Variants in GRIN2A observed in about 807,000 individuals in gnomAD.
GRIN2A encodes the protein glutamate receptor ionotropic, NMDA 2A.
Under a neutral mutation model 113.4 loss-of-function variants are expected in GRIN2A, and 22 were observed. The ratio of observed to expected loss-of-function variants is 0.19; its 90% confidence interval spans 0.14 to 0.28. GRIN2A has a LOEUF of 0.28. Ranked by LOEUF, GRIN2A falls within the 10% of genes least tolerant of loss-of-function variation. GRIN2A has a pLI of 1.00. For missense variants in GRIN2A, 1,502 were observed against 1,887.0 expected, an observed-to-expected ratio of 0.80 and a Z score of 3.78; for synonymous variants, 827 against 738.4, an observed-to-expected ratio of 1.12 and a Z score of -1.94.
chr16:10,039,346 C>T (rs2047098520), intron 2 of GRIN2A, among the ~76,000 whole-genome samples: 1 of 152,190 alleles, frequency 6.6e-6, no homozygotes, highest in African/African-American at 2.4e-5. Context: ...AACTGCACTC[C>T]AAACCTGCAC....
intron 3 of GRIN2A, among the ~76,000 whole-genome samples, chr16:9,906,363 C>A (rs528156947): frequency 6.6e-6 from 1 of 152,320 alleles, no homozygotes; most frequent in South Asian, 2.1e-4. Context: ...TTTTCCACTT[C>A]TTAGCTTTTG....
At chr16:9,802,927 C>A (rs1199888415) in intron 10 of GRIN2A, among the ~76,000 whole-genome samples, 1 of 152,136 alleles carries the variant, frequency 6.6e-6, no homozygotes, top group Non-Finnish European at 1.5e-5. Flanking sequence ...GCTTAGGGAG[C>A]AGGACTCTGG....
At chr16:10,153,901 G>C (rs192163533) in intron 2 of GRIN2A, among the ~76,000 whole-genome samples, 16 of 152,208 alleles carry the variant, frequency 1.1e-4, no homozygotes, top group African/African-American at 3.4e-4. Flanking sequence ...GAGGGGCATC[G>C]GGGTCTTCGC....
chr16:10,086,643 A>G (rs1281293023), intron 2 of GRIN2A, among the ~76,000 whole-genome samples: 1 of 151,798 alleles, frequency 6.6e-6, no homozygotes, highest in African/African-American at 2.4e-5. Flanking sequence ...AGAGAAAAAA[A>G]TATCTGGCTA....
chr16:9,885,620 C>A (rs2043572358), intron 4 of GRIN2A, among the ~76,000 whole-genome samples: 2 of 152,202 alleles, frequency 1.3e-5, no homozygotes, highest in African/African-American at 4.8e-5. Flanking sequence ...ACGCCACTGG[C>A]TGACCTCGGA....
At chr16:9,798,782 ATTT>A (rs1903168268) in intron 10 of GRIN2A, among the ~76,000 whole-genome samples, 1 of 152,214 alleles carries the variant, frequency 6.6e-6, no homozygotes, top group African/African-American at 2.4e-5. Flanking sequence ...ACAGTGCCCT[ATTT>A]AGAAAGGTTT....
intron 2 of GRIN2A, among the ~76,000 whole-genome samples, chr16:10,136,078 G>A (rs2049185078): frequency 6.6e-6 from 1 of 152,092 alleles, no homozygotes; most frequent in Non-Finnish European, 1.5e-5. Flanking sequence ...AAAAGCAGAT[G>A]TGCTTATCCT....
chr16:9,962,760 C>T (rs1198797259), intron 2 of GRIN2A, among the ~76,000 whole-genome samples: 1 of 152,096 alleles, frequency 6.6e-6, no homozygotes, highest in African/African-American at 2.4e-5. Flanking sequence ...ACCCAGCCAT[C>T]CCATTACTGA....
At chr16:9,906,140 G>T (rs115669262) in intron 3 of GRIN2A, among the ~76,000 whole-genome samples, 184 of 152,182 alleles carry the variant, frequency 1.2e-3, no homozygotes, top group African/African-American at 3.9e-3. Flanking sequence ...CTCATATCAA[G>T]CCCACTTGCC....
At chr16:9,911,302 CAT>C (rs2044130896) in intron 3 of GRIN2A, among the ~76,000 whole-genome samples, 1 of 152,064 alleles carries the variant, frequency 6.6e-6, no homozygotes, top group South Asian at 2.1e-4. Context: ...GCTTGGGTAA[CAT>C]AGAGAGATGC....
At chr16:10,044,495 C>T (rs2047225498) in intron 2 of GRIN2A, among the ~76,000 whole-genome samples, 1 of 151,750 alleles carries the variant, frequency 6.6e-6, no homozygotes, top group Admixed American at 6.6e-5. Context: ...TAATGCCACT[C>T]CCTAACTCCC....
At chr16:9,896,688 A>G (rs907258323) in intron 3 of GRIN2A, among the ~76,000 whole-genome samples, 1 of 152,178 alleles carries the variant, frequency 6.6e-6, no homozygotes, top group Non-Finnish European at 1.5e-5. Flanking sequence ...GGGGGGAAAA[A>G]AAAACCTCTA....
chr16:9,981,851 A>C (rs2045898294), intron 2 of GRIN2A, among the ~76,000 whole-genome samples: 1 of 152,236 alleles, frequency 6.6e-6, no homozygotes, highest in Admixed American at 6.5e-5. Flanking sequence ...CAGGGGTGTG[A>C]TCTCTGCTCA....
At chr16:9,970,528 G>A (rs1567207939) in intron 2 of GRIN2A, among the ~76,000 whole-genome samples, 1 of 152,164 alleles carries the variant, frequency 6.6e-6, no homozygotes, top group Non-Finnish European at 1.5e-5. Context: ...GAGGCCTTGA[G>A]GATTGTTTAG....
chr16:9,856,538 T>C (rs1293535420), intron 4 of GRIN2A, among the ~76,000 whole-genome samples: 1 of 145,132 alleles, frequency 6.9e-6, no homozygotes, highest in Non-Finnish European at 1.5e-5. Flanking sequence ...GGCAGGAGAA[T>C]GGCATGAACC....
At chr16:9,878,303 C>A (rs1304181442) in intron 4 of GRIN2A, among the ~76,000 whole-genome samples, 1 of 152,146 alleles carries the variant, frequency 6.6e-6, no homozygotes, top group East Asian at 1.9e-4. Flanking sequence ...TTGGACAAGT[C>A]ATTCAACCCA....
At chr16:9,774,078 C>A (rs761912545) in intron 11 of GRIN2A, among the ~76,000 whole-genome samples, 2 of 151,862 alleles carry the variant, frequency 1.3e-5, no homozygotes, top group Non-Finnish European at 2.9e-5. Flanking sequence ...TGCTTCCATT[C>A]CATTCCACTG....
chr16:9,894,946 AATCC>A (rs1329884673), intron 3 of GRIN2A, among the ~76,000 whole-genome samples: 1 of 152,148 alleles, frequency 6.6e-6, no homozygotes, highest in Non-Finnish European at 1.5e-5. Flanking sequence ...TCAATCCATT[AATCC>A]ATCCATCCAT....
At chr16:9,789,199 C>G (rs555342359) in intron 11 of GRIN2A, among the ~76,000 whole-genome samples, 12 of 152,354 alleles carry the variant, frequency 7.9e-5, no homozygotes, top group African/African-American at 2.2e-4. Context: ...AATAAAACTT[C>G]ATTTTCAAAA....
Sources: allele counts gnomAD v4.1 joint callset (sites outside exome capture counted in the v4.1 genomes callset), GRCh38; gene constraint gnomAD v4.1.1; transcripts MANE v1.5; gene names NCBI Gene and HGNC (gene_info 2026-07-23, HGNC 2026-07-21).